Variants in GALNT13 observed in about 807,000 individuals in gnomAD.
GALNT13 encodes UDP-GalNAc:polypeptide N-acetylgalactosaminyltransferase 13.
In GALNT13, 28 loss-of-function variants were observed where a neutral mutation model predicts 64.2. That is an observed-to-expected ratio of 0.44 (90% CI 0.32 to 0.60). GALNT13 has a LOEUF of 0.60. GALNT13 is among the 20% of genes least tolerant of loss of function. GALNT13 has a pLI of 0.05. For missense variants in GALNT13, 577 were observed against 669.8 expected, an observed-to-expected ratio of 0.86 and a Z score of 1.53; for synonymous variants, 214 against 224.6, an observed-to-expected ratio of 0.95 and a Z score of 0.42.
chr2:154,434,706 C>T (rs556285300), intron 11 of GALNT13, among the ~76,000 whole-genome samples: 72 of 152,020 alleles, frequency 4.7e-4, no homozygotes, highest in African/African-American at 1.6e-3. Context: ...ATATGTGATA[C>T]TAGATAGCTC....
At chr2:153,615,523 C>A in the GALNT13 span, among the ~76,000 whole-genome samples, 1 of 152,192 alleles carries the variant, frequency 6.6e-6, no homozygotes, top group African/African-American at 2.4e-5. Flanking sequence ...TTCTCCACAT[C>A]CTCACCAGCT....
the GALNT13 span, among the ~76,000 whole-genome samples, chr2:153,575,463 G>GT: frequency 6.6e-6 from 1 of 152,168 alleles, no homozygotes; most frequent in Admixed American, 6.5e-5. Flanking sequence ...AAGGTGGTGA[G>GT]TACCCCAAGG....
At chr2:153,324,917 C>T in the GALNT13 span, among the ~76,000 whole-genome samples, 1 of 152,124 alleles carries the variant, frequency 6.6e-6, no homozygotes, top group East Asian at 1.9e-4. Context: ...CAAAAATGTT[C>T]ATCAGGGATA....
chr2:153,856,704 A>C, the GALNT13 span, among the ~76,000 whole-genome samples: 14 of 152,304 alleles, frequency 9.2e-5, 3 homozygotes, highest in South Asian at 2.1e-3. Flanking sequence ...ACATTTGAAC[A>C]ATTGTTGACA....
chr2:153,837,440 G>A, the GALNT13 span, among the ~76,000 whole-genome samples: 1 of 151,956 alleles, frequency 6.6e-6, no homozygotes, highest in Non-Finnish European at 1.5e-5. Flanking sequence ...GGCAACCATT[G>A]TTCCATTCTG....
chr2:153,343,858 A>G, the GALNT13 span, among the ~76,000 whole-genome samples: 3 of 152,174 alleles, frequency 2.0e-5, no homozygotes, highest in African/African-American at 4.8e-5. Flanking sequence ...TATCCCTAAC[A>G]CTAAACACCC....
the GALNT13 span, among the ~76,000 whole-genome samples, chr2:153,146,649 C>G: frequency 1.3e-5 from 2 of 151,808 alleles, no homozygotes; most frequent in African/African-American, 4.8e-5. Flanking sequence ...AGCCAGTCTT[C>G]TTGAATCAGA....
At chr2:154,051,515 C>T (rs1380075187) in intron 3 of GALNT13, among the ~76,000 whole-genome samples, 1 of 151,750 alleles carries the variant, frequency 6.6e-6, no homozygotes, top group African/African-American at 2.4e-5. Context: ...TGGTCTCGAT[C>T]TCCTGACCTC....
the GALNT13 span, among the ~76,000 whole-genome samples, chr2:153,544,236 G>A: frequency 1.2e-4 from 18 of 152,318 alleles, no homozygotes; most frequent in Non-Finnish European, 2.2e-4. Flanking sequence ...GTTGCTGCAT[G>A]AGTTATAAAA....
At chr2:153,141,929 A>G in the GALNT13 span, among the ~76,000 whole-genome samples, 1 of 152,080 alleles carries the variant, frequency 6.6e-6, no homozygotes, top group African/African-American at 2.4e-5. Context: ...TGTCCTCAAT[A>G]AATTAATGAA....
the GALNT13 span, among the ~76,000 whole-genome samples, chr2:153,601,800 A>G: frequency 6.6e-6 from 1 of 152,020 alleles, no homozygotes; most frequent in Non-Finnish European, 1.5e-5. Context: ...GCTAAAAAAG[A>G]CACTACCAAA....
intron 2 of GALNT13, among the ~76,000 whole-genome samples, chr2:153,942,534 T>C: frequency 6.6e-6 from 1 of 152,182 alleles, no homozygotes; most frequent in Non-Finnish European, 1.5e-5. Flanking sequence ...ATCATTCCTT[T>C]ATTATCAGGT....
chr2:153,531,623 A>G, the GALNT13 span, among the ~76,000 whole-genome samples: 1 of 152,196 alleles, frequency 6.6e-6, no homozygotes, highest in Non-Finnish European at 1.5e-5. Context: ...AACTCATTTC[A>G]GCATTAACTC....
intron 9 of GALNT13, among the ~76,000 whole-genome samples, chr2:154,371,015 G>T (rs1697656652): frequency 6.6e-6 from 1 of 152,032 alleles, no homozygotes; most frequent in Admixed American, 6.6e-5. Context: ...GAAAAGATAA[G>T]CTAGCAAGAA....
At chr2:153,564,485 T>C in the GALNT13 span, among the ~76,000 whole-genome samples, 1 of 152,112 alleles carries the variant, frequency 6.6e-6, no homozygotes, top group African/African-American at 2.4e-5. Context: ...TGTTTTGACA[T>C]CAATACTTTA....
chr2:153,462,631 AT>A, the GALNT13 span, among the ~76,000 whole-genome samples: 1 of 152,130 alleles, frequency 6.6e-6, no homozygotes, highest in African/African-American at 2.4e-5. Flanking sequence ...AACCAAAGTC[AT>A]TTCACACTCA....
chr2:153,464,890 G>C, the GALNT13 span, among the ~76,000 whole-genome samples: 1 of 152,140 alleles, frequency 6.6e-6, no homozygotes, highest in South Asian at 2.1e-4. Context: ...GATGTACGAA[G>C]AATAATATAA....
At position 154,453,671 on chromosome 2, in the gene GALNT13, G is replaced by C. The variant is rs1417071601; in HGVS notation, c.*3120G>C. 1 of 152,014 alleles carries C rather than the reference G, an allele frequency of 6.6e-6. No individual in the cohort carries two copies. The allele number at this position is 152,014 out of a possible 1,614,324, so 9.4% of individuals were successfully genotyped here. ...GCCCTAGAAGGTAAGTCCCATGAAG[G>C]CAGGGGCTTTGTCAGTTTTGTTCAT... On this transcript the variant is annotated 3_prime_UTR_variant, in exon 13 of 13. Transcript: ENST00000392825.
chr2:153,937,657 T>A (rs1691039401), intron 2 of GALNT13, among the ~76,000 whole-genome samples: 1 of 152,146 alleles, frequency 6.6e-6, no homozygotes. Flanking sequence ...TTTAAAACAA[T>A]CTAAGGCAGC....
Sources: gnomAD v4.1 joint callset for allele counts (sites outside exome capture counted in the v4.1 genomes callset) on GRCh38, gnomAD v4.1.1 for gene constraint, MANE v1.5 for transcripts, NCBI Gene and HGNC (gene_info 2026-07-23, HGNC 2026-07-21) for gene names.